MDGA2: variants seen among roughly 807,000 people sequenced by gnomAD.
MDGA2 encodes MAM domain containing glycosylphosphatidylinositol anchor 2.
In MDGA2, 40 loss-of-function variants were observed where a neutral mutation model predicts 117.8. That is an observed-to-expected ratio of 0.34 (90% CI 0.26 to 0.44). The LOEUF (loss-of-function observed/expected upper bound fraction) is 0.44. MDGA2 is among the 20% of genes least tolerant of loss of function. The pLI is 1.00. For synonymous variants in MDGA2, 452 were observed against 439.0 expected, an observed-to-expected ratio of 1.03 and a Z score of -0.37; for missense variants, 1,123 against 1,250.6, an observed-to-expected ratio of 0.90 and a Z score of 1.54.
At chr14:47,460,830 C>T (rs892729285) in intron 1 of MDGA2, among the ~76,000 whole-genome samples, 1 of 152,118 alleles carries the variant, frequency 6.6e-6, no homozygotes, top group African/African-American at 2.4e-5. Flanking sequence ...TAAAACCACA[C>T]AGGCCAATAA....
At chr14:46,954,463 C>G (rs527584266) in intron 9 of MDGA2, among the ~76,000 whole-genome samples, 30 of 152,066 alleles carry the variant, frequency 2.0e-4, no homozygotes, top group Non-Finnish European at 3.5e-4. Flanking sequence ...GGCCAGGAGT[C>G]TGAAACCAAG....
At chr14:47,352,252 C>T (rs183065759) in intron 1 of MDGA2, among the ~76,000 whole-genome samples, 7 of 152,280 alleles carry the variant, frequency 4.6e-5, no homozygotes, top group Admixed American at 1.3e-4. Flanking sequence ...TCTTCCTCAT[C>T]GGTTACCTAT....
At chr14:47,651,731 G>T (rs1246829572) in intron 1 of MDGA2, among the ~76,000 whole-genome samples, 2 of 152,136 alleles carry the variant, frequency 1.3e-5, no homozygotes, top group Non-Finnish European at 2.9e-5. Context: ...GGATAACGGT[G>T]GTGGCAGTGG....
At chr14:47,080,831 A>G (rs1000048935) in intron 6 of MDGA2, among the ~76,000 whole-genome samples, 2 of 152,084 alleles carry the variant, frequency 1.3e-5, no homozygotes, top group African/African-American at 4.8e-5. Flanking sequence ...TCAATTTTCA[A>G]TCTCCATCTT....
chr14:47,416,025 C>T (rs977785449), intron 1 of MDGA2, among the ~76,000 whole-genome samples: 1 of 152,186 alleles, frequency 6.6e-6, no homozygotes, highest in African/African-American at 2.4e-5. Flanking sequence ...CCATCTCCCA[C>T]CTGCCCAAAT....
intron 3 of MDGA2, among the ~76,000 whole-genome samples, chr14:47,166,309 C>T (rs1287246319): frequency 1.3e-5 from 2 of 152,136 alleles, no homozygotes; most frequent in African/African-American, 2.4e-5. Flanking sequence ...GCTGGGATTA[C>T]AGGCGTGAGC....
intron 7 of MDGA2, among the ~76,000 whole-genome samples, chr14:47,043,566 T>C (rs887321675): frequency 6.6e-6 from 1 of 152,094 alleles, no homozygotes; most frequent in African/African-American, 2.4e-5. Flanking sequence ...CTAAAAAATA[T>C]TATTTACCAT....
At chr14:47,148,331 C>T (rs902851204) in intron 3 of MDGA2, among the ~76,000 whole-genome samples, 4 of 152,128 alleles carry the variant, frequency 2.6e-5, no homozygotes, top group East Asian at 1.9e-4. Context: ...GAGGTCACTT[C>T]TTGGTTCTTG....
intron 3 of MDGA2, among the ~76,000 whole-genome samples, chr14:47,212,221 A>G (rs1594726236): frequency 1.3e-5 from 2 of 152,174 alleles, no homozygotes; most frequent in Non-Finnish European, 2.9e-5. Flanking sequence ...AGGAGATAAT[A>G]TGTTTTTAGT....
intron 1 of MDGA2, among the ~76,000 whole-genome samples, chr14:47,600,912 A>G (rs971750239): frequency 6.6e-6 from 1 of 152,204 alleles, no homozygotes; most frequent in Non-Finnish European, 1.5e-5. Context: ...AAATTTAGTG[A>G]TACCAAAATT....
At chr14:47,041,214 T>G (rs7155342) in intron 7 of MDGA2, among the ~76,000 whole-genome samples, 48,122 of 151,852 alleles carry the variant, frequency 0.32, 8,437 homozygotes, top group East Asian at 0.53. Flanking sequence ...ACTCTTCCAG[T>G]TCTCTTTTTT....
At chr14:47,177,257 T>A (rs1689043023) in intron 3 of MDGA2, among the ~76,000 whole-genome samples, 1 of 151,814 alleles carries the variant, frequency 6.6e-6, no homozygotes, top group Non-Finnish European at 1.5e-5. Flanking sequence ...TCCTCAGGGA[T>A]CTAGAACTAG....
chr14:47,008,980 G>C (rs1887805063), intron 8 of MDGA2, among the ~76,000 whole-genome samples: 1 of 151,870 alleles, frequency 6.6e-6, no homozygotes, highest in South Asian at 2.1e-4. Context: ...TAAAATAAGA[G>C]CATGGAAGTA....
chr14:47,044,496 C>T (rs1312848390), intron 7 of MDGA2, among the ~76,000 whole-genome samples: 23 of 152,114 alleles, frequency 1.5e-4, no homozygotes, highest in Admixed American at 1.5e-3. Context: ...GTATTACTTG[C>T]AGTCCTGTGT....
At chr14:47,106,610 C>T (rs1880698332) in intron 5 of MDGA2, among the ~76,000 whole-genome samples, 1 of 152,070 alleles carries the variant, frequency 6.6e-6, no homozygotes, top group Non-Finnish European at 1.5e-5. Flanking sequence ...GCTCAAGGCT[C>T]TCTGACTGAC....
chr14:47,107,617 G>A (rs1197792893), intron 5 of MDGA2, among the ~76,000 whole-genome samples: 10 of 151,256 alleles, frequency 6.6e-5, no homozygotes, highest in African/African-American at 1.7e-4. Context: ...TACCTATCTC[G>A]GCATAATTCT....
chr14:47,196,607 A>T (rs2139424881), intron 3 of MDGA2, among the ~76,000 whole-genome samples: 1 of 152,308 alleles, frequency 6.6e-6, no homozygotes, highest in South Asian at 2.1e-4. Flanking sequence ...GTTAAAAATT[A>T]TTTTCATTAT....
chr14:47,406,296 C>A (rs901120981), intron 1 of MDGA2, among the ~76,000 whole-genome samples: 2 of 151,982 alleles, frequency 1.3e-5, no homozygotes, highest in Admixed American at 6.6e-5. Flanking sequence ...GTAGTTCATT[C>A]CAGCATCCTT....
At chr14:46,918,199 A>C (rs1265976069) in intron 10 of MDGA2, among the ~76,000 whole-genome samples, 1 of 152,228 alleles carries the variant, frequency 6.6e-6, no homozygotes, top group African/African-American at 2.4e-5. Context: ...AGAAAATAGC[A>C]CAATAATTAC....
Sources: gnomAD v4.1 joint callset for allele counts (sites outside exome capture counted in the v4.1 genomes callset) on GRCh38, gnomAD v4.1.1 for gene constraint, MANE v1.5 for transcripts, NCBI Gene and HGNC (gene_info 2026-07-23, HGNC 2026-07-21) for gene names.